SEMA3E: variants seen among roughly 807,000 people sequenced by gnomAD.
The protein encoded by SEMA3E is semaphorin-3E.
Under a neutral mutation model 93.6 loss-of-function variants are expected in SEMA3E, and 49 were observed. That is an observed-to-expected ratio of 0.52 (90% confidence interval 0.42 to 0.66). SEMA3E has a LOEUF of 0.66. SEMA3E is among the 30% of genes least tolerant of loss of function. The probability of loss-of-function intolerance (pLI) is 0.00; values close to 1 mark genes in which losing one functional copy is unlikely to be tolerated. For synonymous variants in SEMA3E, 363 were observed against 330.7 expected (o/e 1.10, Z -1.06); for missense variants, 906 against 964.8 (o/e 0.94, Z 0.81).
intron 4 of SEMA3E, among the ~76,000 whole-genome samples, chr7:83,441,914 T>TG (rs1376595532): frequency 1.3e-5 from 2 of 152,144 alleles, no homozygotes; most frequent in Non-Finnish European, 2.9e-5. Flanking sequence ...AGACTAAGAT[T>TG]GGGGTAATGT....
chr7:83,642,657 TG>T, intron 1 of SEMA3E, among the ~76,000 whole-genome samples: 1 of 151,952 alleles, frequency 6.6e-6, no homozygotes, highest in Non-Finnish European at 1.5e-5. Flanking sequence ...GGCTTTACTG[TG>T]AAAAAAAATA....
At chr7:83,627,307 A>C (rs1793688973) in intron 1 of SEMA3E, among the ~76,000 whole-genome samples, 1 of 152,150 alleles carries the variant, frequency 6.6e-6, no homozygotes, top group African/African-American at 2.4e-5. Flanking sequence ...GTGGGGTGTT[A>C]AAGTCTCCCA....
chr7:83,475,300 A>G (rs956372319), intron 2 of SEMA3E, among the ~76,000 whole-genome samples: 1 of 152,062 alleles, frequency 6.6e-6, no homozygotes, highest in Non-Finnish European at 1.5e-5. Flanking sequence ...CCAGTTAAAC[A>G]CACTGTTTAG....
chr7:83,409,231 G>A (rs1300215178), intron 5 of SEMA3E, among the ~76,000 whole-genome samples: 1 of 152,086 alleles, frequency 6.6e-6, no homozygotes, highest in East Asian at 1.9e-4. Flanking sequence ...TAAGAAAAAA[G>A]ACATTAAAAT....
chr7:83,543,912 A>G (rs1791589043), intron 1 of SEMA3E, among the ~76,000 whole-genome samples: 1 of 152,080 alleles, frequency 6.6e-6, no homozygotes, highest in Non-Finnish European at 1.5e-5. Flanking sequence ...TGATCAGTTT[A>G]CCTTAACGTT....
rs199615420 is a variant in SEMA3E, at chr7:83,391,353, TA to T, written c.1667+1201del. ...CTTCACTTTAGGTTCCAATTTCCTTTAGACAAGAGGTTATGCTTGTTTCTTC... is the reference window on the plus strand; with the variant it reads ...CTTCACTTTAGGTTCCAATTTCCTTTGACAAGAGGTTATGCTTGTTTCTTC... On this transcript the variant is annotated intron_variant, in intron 14 of 16. Coordinates refer to ENST00000643230, the MANE Select transcript of SEMA3E (RefSeq NM_012431.3). 7.2e-5 allele frequency among the ~76,000 whole-genome samples: 11 copies of T among 152,290 alleles called. No homozygotes were observed. The East Asian group carries it at 2.1e-3, about 29-fold the overall frequency.
intron 4 of SEMA3E, among the ~76,000 whole-genome samples, chr7:83,438,702 T>C (rs1226093364): frequency 6.6e-6 from 1 of 151,956 alleles, no homozygotes; most frequent in Non-Finnish European, 1.5e-5. Flanking sequence ...AAAAAAAATA[T>C]GCTATATATA....
intron 6 of SEMA3E, among the ~76,000 whole-genome samples, chr7:83,408,040 T>C (rs1162328672): frequency 6.6e-6 from 1 of 152,140 alleles, no homozygotes; most frequent in Non-Finnish European, 1.5e-5. Context: ...AAAGATTATA[T>C]CAATTGATAA....
At chr7:83,484,558 G>T (rs1365181778) in intron 2 of SEMA3E, among the ~76,000 whole-genome samples, 1 of 152,038 alleles carries the variant, frequency 6.6e-6, no homozygotes, top group Non-Finnish European at 1.5e-5. Context: ...AGTCAAAACT[G>T]GTCATTGAGC....
intron 5 of SEMA3E, among the ~76,000 whole-genome samples, chr7:83,411,643 T>C (rs1788441038): frequency 6.6e-6 from 1 of 152,088 alleles, no homozygotes; most frequent in African/African-American, 2.4e-5. Flanking sequence ...CTGGGCATTA[T>C]TAAAATTTTT....
chr7:83,491,102 T>G (rs1300442489), intron 1 of SEMA3E, among the ~76,000 whole-genome samples: 1 of 151,990 alleles, frequency 6.6e-6, no homozygotes, highest in Non-Finnish European at 1.5e-5. Context: ...AAGATAACTT[T>G]TTTTACAAAG....
chr7:83,416,089 C>T (rs1052984904), intron 5 of SEMA3E, among the ~76,000 whole-genome samples: 7 of 152,058 alleles, frequency 4.6e-5, no homozygotes, highest in African/African-American at 1.7e-4. Context: ...GTTTCTGGCT[C>T]ACATAGGTTA....
chr7:83,509,530 GAAAAC>G lies in SEMA3E; in HGVS notation c.116-19261_116-19257del, dbSNP rs750481774. Among the ~76,000 whole-genome samples, 638 of 152,158 alleles carry G rather than the reference GAAAAC, an allele frequency of 4.2e-3. 5 individuals are homozygous for G. Among genetic ancestry groups the G allele is most frequent in the African/African-American group, 0.014 (585 of 41,508 alleles). ...ATTTACCTTACCCTTCCCCATGACA[GAAAAC>G]AAAACAAAACAAAACAAAAACAAAC... On this transcript the variant is annotated intron_variant, in intron 1 of 16. Coordinates refer to ENST00000643230, the MANE Select transcript of SEMA3E (RefSeq NM_012431.3).
intron 4 of SEMA3E, among the ~76,000 whole-genome samples, chr7:83,440,339 G>A (rs191505397): frequency 4.0e-4 from 61 of 152,030 alleles, no homozygotes; most frequent in Middle Eastern, 3.4e-3. Flanking sequence ...GAAAGGGAGT[G>A]GTAATATTCT....
intron 3 of SEMA3E, among the ~76,000 whole-genome samples, chr7:83,467,214 G>A (rs1419488622): frequency 1.3e-5 from 2 of 152,030 alleles, no homozygotes; most frequent in Non-Finnish European, 2.9e-5. Flanking sequence ...ACAGGCATGT[G>A]CCACCATGCC....
chr7:83,642,971 A>C (rs1794033986), intron 1 of SEMA3E, among the ~76,000 whole-genome samples: 1 of 152,082 alleles, frequency 6.6e-6, no homozygotes, highest in African/African-American at 2.4e-5. Flanking sequence ...ACCACAGAAG[A>C]GTTTTATATA....
chr7:83,550,162 A>G (rs1455020892), intron 1 of SEMA3E, among the ~76,000 whole-genome samples: 2 of 152,124 alleles, frequency 1.3e-5, no homozygotes, highest in Non-Finnish European at 2.9e-5. Flanking sequence ...TTAAACACAT[A>G]TGGTATTGAC....
At chr7:83,556,873 T>C (rs560951504) in intron 1 of SEMA3E, among the ~76,000 whole-genome samples, 3 of 152,262 alleles carry the variant, frequency 2.0e-5, no homozygotes, top group Admixed American at 2.0e-4. Flanking sequence ...AGGCCCTTTC[T>C]GGCCCTTTTA....
intron 1 of SEMA3E, among the ~76,000 whole-genome samples, chr7:83,537,569 G>A (rs1283189838): frequency 6.6e-6 from 1 of 152,058 alleles, no homozygotes; most frequent in Non-Finnish European, 1.5e-5. Flanking sequence ...ATGTCAGTAG[G>A]GTGAGGAATT....
Sources: allele counts gnomAD v4.1 joint callset (sites outside exome capture counted in the v4.1 genomes callset), GRCh38; gene constraint gnomAD v4.1.1; transcripts MANE v1.5; gene names NCBI Gene and HGNC (gene_info 2026-07-23, HGNC 2026-07-21).